The following NRXN3 variants were observed in gnomAD, a reference collection of about 807,000 sequenced individuals.
NRXN3 encodes neurexin III.
Under a neutral mutation model 137.6 loss-of-function variants are expected in NRXN3, and 32 were observed. The observed-to-expected ratio is 0.23, with a 90% CI of 0.18 to 0.31. NRXN3 has a LOEUF of 0.31. Among genes scored for constraint, NRXN3 ranks in the 10% least tolerant of loss-of-function variants. The pLI is 1.00. For synonymous variants in NRXN3, 798 were observed against 784.5 expected (o/e 1.02, Z -0.29); for missense variants, 1,574 against 2,062.5 (o/e 0.76, Z 4.59).
chr14:79,243,671 A>G (rs1359136415), intron 15 of NRXN3, among the ~76,000 whole-genome samples: 3 of 152,170 alleles, frequency 2.0e-5, no homozygotes, highest in African/African-American at 4.8e-5. Context: ...TTCCTAGGCT[A>G]TAAACTCATA....
chr14:78,756,572 C>A (rs2098669526), intron 8 of NRXN3, among the ~76,000 whole-genome samples: 1 of 149,186 alleles, frequency 6.7e-6, no homozygotes, highest in South Asian at 2.1e-4. Context: ...AAAAGGTTCA[C>A]TGTAAAATGA....
intron 4 of NRXN3, among the ~76,000 whole-genome samples, chr14:78,476,789 A>G (rs975207120): frequency 6.6e-6 from 1 of 152,242 alleles, no homozygotes; most frequent in Non-Finnish European, 1.5e-5. Flanking sequence ...AAAATACCAT[A>G]TAGCAATATG....
intron 15 of NRXN3, among the ~76,000 whole-genome samples, chr14:79,319,460 C>T (rs575996567): frequency 6.6e-6 from 1 of 152,224 alleles, no homozygotes; most frequent in Non-Finnish European, 1.5e-5. Flanking sequence ...TCTTGGAGAG[C>T]TTTTAGAAAG....
At chr14:79,758,163 TTCTAATTCCC>T (rs1332424651) in intron 19 of NRXN3, among the ~76,000 whole-genome samples, 1 of 152,192 alleles carries the variant, frequency 6.6e-6, no homozygotes, top group Non-Finnish European at 1.5e-5. Context: ...GCAGGTTGAT[TTCTAATTCCC>T]TCTTATTCCC....
chr14:79,467,194 T>A, intron 15 of NRXN3, 27 bp from the exon 16 acceptor site: 1 of 1,579,906 alleles, frequency 6.3e-7, no homozygotes, highest in South Asian at 1.1e-5. Context: ...AGTGCCTTGA[T>A]GTCTCCCTCT....
intron 4 of NRXN3, among the ~76,000 whole-genome samples, chr14:78,386,240 C>T (rs1383505562): frequency 6.6e-6 from 1 of 152,108 alleles, no homozygotes; most frequent in Non-Finnish European, 1.5e-5. Context: ...TTATCTTTTT[C>T]TTCCTCTTTC....
At chr14:78,697,200 A>G (rs1194209173) in intron 6 of NRXN3, among the ~76,000 whole-genome samples, 4 of 152,048 alleles carry the variant, frequency 2.6e-5, no homozygotes, top group Non-Finnish European at 2.9e-5. Context: ...ATGAAAACTT[A>G]TTTGATTCCT....
intron 8 of NRXN3, among the ~76,000 whole-genome samples, chr14:78,723,715 A>G (rs1339637510): frequency 6.6e-6 from 1 of 152,232 alleles, no homozygotes; most frequent in Non-Finnish European, 1.5e-5. Context: ...ATAGATAACA[A>G]AGTTAATATT....
intron 15 of NRXN3, among the ~76,000 whole-genome samples, chr14:79,221,976 G>A (rs1597438371): frequency 6.6e-6 from 1 of 152,216 alleles, no homozygotes; most frequent in South Asian, 2.1e-4. Context: ...CGTATGGCTA[G>A]CCAGTTTTCC....
intron 4 of NRXN3, among the ~76,000 whole-genome samples, chr14:78,542,229 G>C (rs1480430796): frequency 6.6e-6 from 1 of 152,236 alleles, no homozygotes; most frequent in Non-Finnish European, 1.5e-5. Flanking sequence ...GGACGTTTAA[G>C]TCTGCACAAG....
chr14:79,470,947 A>AGTGTGTGT (rs777013517), intron 16 of NRXN3, among the ~76,000 whole-genome samples: 1 of 102,666 alleles, frequency 9.7e-6, no homozygotes, highest in South Asian at 3.7e-4. Context: ...AGAAAGAGAG[A>AGTGTGTGT]GAGAGTGTGT....
At chr14:79,101,025 A>G (rs2051188320) in intron 15 of NRXN3, among the ~76,000 whole-genome samples, 1 of 152,144 alleles carries the variant, frequency 6.6e-6, no homozygotes, top group Admixed American at 6.5e-5. Context: ...TTTTTTCCTA[A>G]GGGGCAGATA....
At chr14:78,822,662 A>G (rs1249832618) in intron 10 of NRXN3, among the ~76,000 whole-genome samples, 4 of 151,556 alleles carry the variant, frequency 2.6e-5, no homozygotes, top group Non-Finnish European at 5.9e-5. Context: ...GTAACAGAGC[A>G]AGATTCTATC....
chr14:78,624,373 CT>C (rs1359624287), intron 4 of NRXN3, among the ~76,000 whole-genome samples: 1 of 152,226 alleles, frequency 6.6e-6, no homozygotes, highest in African/African-American at 2.4e-5. Flanking sequence ...TATTATGCCC[CT>C]GACACACTGG....
chr14:79,614,682 G>T (rs1408642941), intron 16 of NRXN3, among the ~76,000 whole-genome samples: 1 of 152,034 alleles, frequency 6.6e-6, no homozygotes, highest in East Asian at 1.9e-4. Flanking sequence ...CAGCCTAATT[G>T]CTTCTCCTGT....
chr14:79,481,939 T>G (rs975994068), intron 16 of NRXN3, among the ~76,000 whole-genome samples: 2 of 151,922 alleles, frequency 1.3e-5, no homozygotes, highest in African/African-American at 2.4e-5. Flanking sequence ...TGGGCCCAGG[T>G]GGGGGACATC....
intron 8 of NRXN3, among the ~76,000 whole-genome samples, chr14:78,758,245 C>T (rs954001476): frequency 2.6e-5 from 4 of 152,150 alleles, no homozygotes; most frequent in Admixed American, 1.3e-4. Context: ...GTACAATGAA[C>T]GTATTGTTTT....
chr14:79,585,663 G>A (rs373557259), intron 16 of NRXN3, among the ~76,000 whole-genome samples: 1 of 126,102 alleles, frequency 7.9e-6, no homozygotes, highest in Non-Finnish European at 1.5e-5. Flanking sequence ...CCAGCCTGGC[G>A]ACAGAGCGAG....
At chr14:79,589,017 G>A (rs2097782468) in intron 16 of NRXN3, among the ~76,000 whole-genome samples, 1 of 152,196 alleles carries the variant, frequency 6.6e-6, no homozygotes, top group African/African-American at 2.4e-5. Flanking sequence ...CACTTTGGGA[G>A]GGCAAGGCAG....
Sources: gnomAD v4.1 joint callset for allele counts (sites outside exome capture counted in the v4.1 genomes callset) on GRCh38, gnomAD v4.1.1 for gene constraint, MANE v1.5 for transcripts, NCBI Gene and HGNC (gene_info 2026-07-23, HGNC 2026-07-21) for gene names.